The following FOCAD variants were observed in gnomAD, a reference collection of about 807,000 sequenced individuals.
FOCAD encodes the protein KIAA1797.
A neutral mutation model predicts 225.6 loss-of-function variants in FOCAD; 198 were observed. The ratio of observed to expected loss-of-function variants is 0.88; its 90% CI spans 0.78 to 0.99. The LOEUF (loss-of-function observed/expected upper bound fraction) is 0.99, where lower values mean the gene tolerates loss of function less well. FOCAD is among the 50% of genes least tolerant of loss of function. The pLI is 0.00. For missense variants in FOCAD, 2,713 were observed against 2,123.6 expected (o/e 1.28, Z -5.46); for synonymous variants, 897 against 755.0 (o/e 1.19, Z -3.08).
At chr9:20,818,487 T>C (rs144555434) in intron 11 of FOCAD, among the ~76,000 whole-genome samples, 50 of 152,286 alleles carry the variant, frequency 3.3e-4, no homozygotes, top group Admixed American at 7.8e-4. Flanking sequence ...AAGAGTGTTA[T>C]AGTTTTAGCT....
At position 20,961,142 on chromosome 9, in the gene FOCAD, T is replaced by C. The variant is rs182013744; in HGVS notation, c.4132+8077T>C. Among the ~76,000 whole-genome samples the C allele has an allele frequency of 2.0e-5, 3 of 151,668 alleles. No homozygotes were observed. The East Asian group carries it at 5.8e-4, about 30-fold the overall frequency. On this transcript the variant is annotated intron_variant, in intron 35 of 43. Transcript: ENST00000338382. Reference sequence around the variant, plus strand: ...CTGCTGTAAGAAATGGCTCCTCTCCTCTCCTCTCCACTCCTCCCCTCCCCT... The same window carrying C: ...CTGCTGTAAGAAATGGCTCCTCTCCCCTCCTCTCCACTCCTCCCCTCCCCT...
At chr9:20,801,600 T>C (rs1821845165) in intron 11 of FOCAD, among the ~76,000 whole-genome samples, 1 of 152,204 alleles carries the variant, frequency 6.6e-6, no homozygotes, top group South Asian at 2.1e-4. Flanking sequence ...TTTTTTATTT[T>C]ATACTTGACA....
At chr9:20,911,227 G>A (rs1833411168) in intron 22 of FOCAD, among the ~76,000 whole-genome samples, 1 of 152,132 alleles carries the variant, frequency 6.6e-6, no homozygotes, top group African/African-American at 2.4e-5. Flanking sequence ...ATCTTTGAAA[G>A]TATGGAGAAT....
chr9:20,691,036 G>A (rs535983685), intron 1 of FOCAD, among the ~76,000 whole-genome samples: 1 of 152,010 alleles, frequency 6.6e-6, no homozygotes, highest in South Asian at 2.1e-4. Context: ...TTCATCTCTT[G>A]GGTTCAAGTG....
intron 18 of FOCAD, among the ~76,000 whole-genome samples, chr9:20,873,181 T>A (rs1390529136): frequency 2.0e-5 from 3 of 152,178 alleles, no homozygotes; most frequent in African/African-American, 7.2e-5. Context: ...CTTGGTTATA[T>A]ACCTAGGAGT....
chr9:20,947,409 CTG>C (rs1837284148), intron 30 of FOCAD, among the ~76,000 whole-genome samples: 1 of 152,104 alleles, frequency 6.6e-6, no homozygotes, highest in African/African-American at 2.4e-5. Context: ...AAAGCAAACA[CTG>C]TGTGCTTTTA....
intron 35 of FOCAD, among the ~76,000 whole-genome samples, chr9:20,959,748 T>G (rs1316320579): frequency 1.3e-5 from 2 of 152,164 alleles, no homozygotes; most frequent in South Asian, 2.1e-4. Context: ...TTTTTCTGTC[T>G]ATGGATATCC....
At chr9:20,961,375 C>T (rs1327195848) in intron 35 of FOCAD, among the ~76,000 whole-genome samples, 4 of 152,120 alleles carry the variant, frequency 2.6e-5, no homozygotes, top group Non-Finnish European at 5.9e-5. Flanking sequence ...GACATGACCC[C>T]CTCATTCTTT....
chr9:20,978,049 T>C (rs1458408236), intron 36 of FOCAD, among the ~76,000 whole-genome samples: 2 of 152,204 alleles, frequency 1.3e-5, no homozygotes, highest in East Asian at 3.8e-4. Context: ...GCTAGAATTT[T>C]CTCATATTTT....
At chr9:20,829,692 A>C (rs1470862004) in intron 15 of FOCAD, among the ~76,000 whole-genome samples, 1 of 152,092 alleles carries the variant, frequency 6.6e-6, no homozygotes, top group African/African-American at 2.4e-5. Flanking sequence ...TGGGCCTTTC[A>C]CTACAAAGAG....
At chr9:20,964,994 G>A (rs1182151130) in intron 35 of FOCAD, among the ~76,000 whole-genome samples, 1 of 152,058 alleles carries the variant, frequency 6.6e-6, no homozygotes, top group Non-Finnish European at 1.5e-5. Flanking sequence ...CTAAAATATG[G>A]GAGAAAGGCC....
At chr9:20,662,355 C>T (rs1821753780) in intron 2 of FOCAD, among the ~76,000 whole-genome samples, 1 of 152,138 alleles carries the variant, frequency 6.6e-6, no homozygotes, top group African/African-American at 2.4e-5. Context: ...TTAGGGTCAG[C>T]CTCGGGGGTA....
At position 20,944,635 on chromosome 9, in the gene FOCAD, G is replaced by A. The variant is rs756306286; in HGVS notation, c.3416G>A (p.Cys1139Tyr). ...FDTSLEYNTG[C>Y]ILGVGLVLSL... ...CTTTTTTGGCTTCCAAGCACGGGCT[G>A]TATATTGGGAGTTGGACTTGTTCTG... is the stretch of plus-strand genomic sequence containing the variant. Residue 1139 changes from cysteine to tyrosine, a missense_variant, in exon 29 of 44, where the codon TGT becomes TAT. By Grantham distance (194) the Cys-to-Tyr change is radical. Coordinates refer to ENST00000338382, the MANE Select transcript of FOCAD (RefSeq NM_001375567.1). 1.2e-6 allele frequency: 2 copies of A among 1,613,192 alleles called. No individual in the cohort carries two copies. The highest frequency in any genetic ancestry group is 2.2e-5 in the South Asian group (2 of 90,896).
chr9:20,890,337 A>G (rs1308538338), intron 21 of FOCAD, among the ~76,000 whole-genome samples: 1 of 150,338 alleles, frequency 6.7e-6, no homozygotes, highest in Admixed American at 6.6e-5. Context: ...GTCAGGTTGA[A>G]GAAGTTTCCT....
At chr9:20,903,453 G>A (rs759413634) in intron 21 of FOCAD, among the ~76,000 whole-genome samples, 5 of 151,900 alleles carry the variant, frequency 3.3e-5, no homozygotes, top group African/African-American at 4.8e-5. Flanking sequence ...ATTGTCAACA[G>A]AGCAGTCAGT....
intron 21 of FOCAD, among the ~76,000 whole-genome samples, chr9:20,890,643 ATT>A (rs1831533863): frequency 6.6e-6 from 1 of 151,914 alleles, no homozygotes; most frequent in South Asian, 2.1e-4. Context: ...TCTTGTAGTA[ATT>A]TTGCCTGGTT....
intron 19 of FOCAD, among the ~76,000 whole-genome samples, chr9:20,879,949 A>G (rs1830531840): frequency 6.6e-6 from 1 of 152,214 alleles, no homozygotes; most frequent in African/African-American, 2.4e-5. Flanking sequence ...CTTCTGAGAA[A>G]GGAAGAAATT....
At chr9:20,846,720 C>T (rs1342991432) in intron 15 of FOCAD, among the ~76,000 whole-genome samples, 1 of 152,072 alleles carries the variant, frequency 6.6e-6, no homozygotes, top group Non-Finnish European at 1.5e-5. Flanking sequence ...GATACGTATC[C>T]AGCCTAGTGC....
chr9:20,988,274 T>G, intron 40 of FOCAD, 58 bp from the exon 41 acceptor site: 1 of 1,039,648 alleles, frequency 9.6e-7, no homozygotes, highest in Non-Finnish European at 1.5e-6. Flanking sequence ...GTTACTGATC[T>G]GTTTTACATT....
Sources: gnomAD v4.1 joint callset for allele counts (sites outside exome capture counted in the v4.1 genomes callset) on GRCh38, gnomAD v4.1.1 for gene constraint, MANE v1.5 for transcripts, NCBI Gene and HGNC (gene_info 2026-07-23, HGNC 2026-07-21) for gene names.